CELSR1: variants seen among roughly 807,000 people sequenced by gnomAD.
CELSR1 encodes cadherin EGF LAG seven-pass G-type receptor 1, also known as adhesion G protein-coupled receptor C1.
CELSR1 carries 110 observed loss-of-function variants against 249.1 expected under a neutral mutation model. The ratio of observed to expected loss-of-function variants is 0.44; its 90% CI spans 0.38 to 0.52. CELSR1 has a LOEUF of 0.52. Among genes scored for constraint, CELSR1 ranks in the 20% least tolerant of loss-of-function variants. The probability of loss-of-function intolerance (pLI) is 0.00; values close to 1 mark genes in which losing one functional copy is unlikely to be tolerated. For synonymous variants in CELSR1, 2,113 were observed against 1,900.0 expected (o/e 1.11, Z -2.92); for missense variants, 4,109 against 4,296.4 (o/e 0.96, Z 1.22).
chr22:46,444,596 C>A (rs548525768), intron 2 of CELSR1, among the ~76,000 whole-genome samples: 2 of 152,290 alleles, frequency 1.3e-5, no homozygotes, highest in East Asian at 1.9e-4. Flanking sequence ...TTTTTTAATG[C>A]GGAGTTGTAT....
At chr22:46,369,905 T>G in intron 25 of CELSR1, 101 bp from the exon 26 acceptor site, 1 of 960,502 alleles carries the variant, frequency 1.0e-6, no homozygotes, top group Non-Finnish European at 1.7e-6. Flanking sequence ...GGACTCAGCA[T>G]CTCCCTTCTC....
Position 46,484,461 on chromosome 22 carries a change from C to T in CELSR1, c.3545-20116G>A, listed in dbSNP as rs577257002. On this transcript the variant is annotated intron_variant, in intron 1 of 34. Transcript: ENST00000674500. The surrounding 1 kb of genome is among the most constrained non-coding windows in gnomAD (Gnocchi z 4.5). Reference sequence around the variant, plus strand: ...CCACTCAGGGGCCCTGAAATCCCTTCCAGAATAATTTCACAGAGACCTCTT... The same window carrying T: ...CCACTCAGGGGCCCTGAAATCCCTTTCAGAATAATTTCACAGAGACCTCTT... Among the ~76,000 whole-genome samples, 31 of 152,040 alleles carry T rather than the reference C, an allele frequency of 2.0e-4. No homozygotes were observed. Among genetic ancestry groups the T allele is most frequent in the African/African-American group, 7.5e-4 (31 of 41,486 alleles).
intron 1 of CELSR1, among the ~76,000 whole-genome samples, chr22:46,530,874 G>A (rs1050631811): frequency 1.3e-5 from 2 of 152,152 alleles, no homozygotes; most frequent in African/African-American, 4.8e-5. Context: ...CCCACTAAAC[G>A]TAGTCGATGG....
chr22:46,506,302 C>T lies in CELSR1; in HGVS notation c.3544+27325G>A, dbSNP rs1057421253. Among the ~76,000 whole-genome samples, 4 of 152,246 alleles carry T rather than the reference C, an allele frequency of 2.6e-5. No homozygotes were observed. The highest frequency in any genetic ancestry group is 9.6e-5 in the African/African-American group (4 of 41,462). ...GATCCCTCCAAGCCTGGCACCTCCA[C>T]CGTGCCTGGCCTGGGGGAGCAGCAG... On this transcript the variant is annotated intron_variant, in intron 1 of 34. Transcript: ENST00000674500. This position sits in a 1 kb window ranked among gnomAD's most constrained non-coding sequence, Gnocchi z 4.1.
chr22:46,421,586 G>A (rs1245743291), intron 5 of CELSR1, among the ~76,000 whole-genome samples: 1 of 152,222 alleles, frequency 6.6e-6, no homozygotes, highest in Non-Finnish European at 1.5e-5. Context: ...CATCGGGGCA[G>A]CCCCCACCTG....
At chr22:46,460,204 CA>C (rs1569179869) in intron 2 of CELSR1, among the ~76,000 whole-genome samples, 23 of 130,868 alleles carry the variant, frequency 1.8e-4, no homozygotes, top group Middle Eastern at 3.7e-3. Flanking sequence ...CACACACACA[CA>C]CACACACACA....
chr22:46,411,611 C>A lies in CELSR1; in HGVS notation c.4760G>T (p.Gly1587Val). Residue 1587 changes from glycine to valine, a missense_variant, in exon 6 of 35, where the codon GGC becomes GTC. Coordinates refer to ENST00000674500, the MANE Select transcript of CELSR1 (RefSeq NM_001378328.1). The surrounding 1 kb of genome is among the most constrained non-coding windows in gnomAD (Gnocchi z 4.2). Reference protein sequence around the residue: ...YSCAAQGTQTGSKKSLDLTGP... With the variant: ...YSCAAQGTQTVSKKSLDLTGP... The stretch of plus-strand genomic sequence containing the variant: ...CTCCTGGGATGCTCACTTCTTGGAG[C>A]CGGTCTGAGTGCCCTGGGCAGCGCA... The A allele has an allele frequency of 1.2e-6, 2 of 1,614,150 alleles. No individual in the cohort carries two copies. Among genetic ancestry groups the A allele is most frequent in the Non-Finnish European group, 1.7e-6 (2 of 1,180,020 alleles).
chr22:46,370,310 T>C lies in CELSR1; in HGVS notation c.7760-506A>G, dbSNP rs2078837883. Reference sequence around the variant, plus strand: ...CACATCCAACCACGTGCACATGCCATACACATGTACATACCCTATACACAT... The same window carrying C: ...CACATCCAACCACGTGCACATGCCACACACATGTACATACCCTATACACAT... On this transcript the variant is annotated intron_variant, in intron 25 of 34. Coordinates refer to ENST00000674500, the MANE Select transcript of CELSR1 (RefSeq NM_001378328.1). 3 of 366,116 alleles carry C rather than the reference T, an allele frequency of 8.2e-6. No homozygotes were observed. In the Admixed American group the frequency reaches 1.0e-4, roughly 12 times the overall value. 22.7% of individuals were successfully genotyped at this position (366,116 alleles called of 1,614,324 possible). A position where few individuals can be genotyped will look rare whatever the true frequency, so the allele number is the denominator to read the frequency against.
rs753460875 is a variant in CELSR1 at position 46,464,726 on chromosome 22, A to C, written c.3545-381T>G. ...GAAACTCCTCACACGCTTTGGTTCC[A>C]GCCACATGAGGACTTGAAGCCCCCT... is the stretch of plus-strand genomic sequence containing the variant. On this transcript the variant is annotated intron_variant, in intron 1 of 34. Transcript: ENST00000674500. The surrounding 1 kb of genome is among the most constrained non-coding windows in gnomAD (Gnocchi z 8.5). 3.3e-5 allele frequency among the ~76,000 whole-genome samples: 5 copies of C among 152,026 alleles called. No homozygotes were observed. Among genetic ancestry groups the C allele is most frequent in the African/African-American group, 4.8e-5 (2 of 41,386 alleles).
intron 25 of CELSR1, among the ~76,000 whole-genome samples, chr22:46,372,035 C>A (rs1035434792): frequency 6.7e-6 from 1 of 150,062 alleles, no homozygotes; most frequent in Non-Finnish European, 1.5e-5. Context: ...ACTCACTCGT[C>A]TCTCCATCCC....
chr22:46,511,797 T>C (rs113656535), intron 1 of CELSR1, among the ~76,000 whole-genome samples: 1,733 of 152,096 alleles, frequency 0.011, 26 homozygotes, highest in African/African-American at 0.038. Flanking sequence ...GGTGTCTCCC[T>C]GGTATGGGGC....
Position 46,393,644 on chromosome 22 carries a change from A to C in CELSR1, c.5964+498T>G, listed in dbSNP as rs577861593. 7.9e-5 allele frequency among the ~76,000 whole-genome samples: 12 copies of C among 152,138 alleles called. 1 individual carries two copies. Among genetic ancestry groups the C allele is most frequent in the African/African-American group, 2.9e-4 (12 of 41,534 alleles). On this transcript the variant is annotated intron_variant, in intron 14 of 34. Coordinates refer to ENST00000674500, the MANE Select transcript of CELSR1 (RefSeq NM_001378328.1). The surrounding 1 kb of genome is among the most constrained non-coding windows in gnomAD (Gnocchi z 4.1). ...TCCCAGCTACTCAGGAGGCTGAGGCAGAAGAATTGCTGGAACCCGGGAGGC... is the reference window on the plus strand; with the variant it reads ...TCCCAGCTACTCAGGAGGCTGAGGCCGAAGAATTGCTGGAACCCGGGAGGC...
In CELSR1 at chr22:46,409,254, G is replaced by GGCTAT. The variant is rs1569142290; in HGVS notation, c.5060-93_5060-92insATAGC. ...GGGCGGGGGATGGGCCTGCAGGCTAGGCCTGGGCCTTTTTCACTTTAACAC... is the reference window on the plus strand; with the variant it reads ...GGGCGGGGGATGGGCCTGCAGGCTAGGCTATGCCTGGGCCTTTTTCACTTTAACAC... On this transcript the variant is annotated intron_variant, in intron 8 of 34. Coordinates refer to ENST00000674500, the MANE Select transcript of CELSR1 (RefSeq NM_001378328.1). This position sits in a 1 kb window ranked among gnomAD's most constrained non-coding sequence, Gnocchi z 9.8. The GGCTAT allele has an allele frequency of 1.5e-5, 20 of 1,361,838 alleles. No homozygotes were observed. The African/African-American group carries it at 2.4e-4, about 16-fold the overall frequency. The allele number at this position is 1,361,838 out of a possible 1,614,324, so 84.4% of individuals were successfully genotyped here. A position where few individuals can be genotyped will look rare whatever the true frequency, so the allele number is the denominator to read the frequency against.
rs1328288863 is a variant in CELSR1 at position 46,391,614 on chromosome 22, G to A, written c.6148+19C>T. 3 of 1,574,886 alleles carry A rather than the reference G, an allele frequency of 1.9e-6. No individual in the cohort carries two copies. The highest frequency in any genetic ancestry group is 1.7e-6 in the Non-Finnish European group (2 of 1,166,284). Reference sequence around the variant, plus strand: ...GTCCCCGCGCTGTAACCTGCAGGGTGTCGAGGGGCAACGCGGACCTTCACA... The same window carrying A: ...GTCCCCGCGCTGTAACCTGCAGGGTATCGAGGGGCAACGCGGACCTTCACA... On this transcript the variant is annotated intron_variant, in intron 15 of 34. Transcript: ENST00000674500. This position sits in a 1 kb window ranked among gnomAD's most constrained non-coding sequence, Gnocchi z 4.3.
intron 5 of CELSR1, among the ~76,000 whole-genome samples, chr22:46,425,682 T>A (rs949914107): frequency 6.9e-6 from 1 of 144,198 alleles, no homozygotes; most frequent in African/African-American, 2.4e-5. Flanking sequence ...CGCTAGAAGT[T>A]TTCCCCCGCT....
In CELSR1 at chr22:46,490,620, A is replaced by G. The variant is rs943905616; in HGVS notation, c.3545-26275T>C. Among the ~76,000 whole-genome samples the G allele has an allele frequency of 6.6e-6, 1 of 152,076 alleles. No homozygotes were observed. Among genetic ancestry groups the G allele is most frequent in the African/African-American group, 2.4e-5 (1 of 41,388 alleles). ...GGAGGGAAATGTTCTAAGCAGAGTGAGCGTCGTGGAGCCTCCCTCAGGCAT... is the reference window on the plus strand; with the variant it reads ...GGAGGGAAATGTTCTAAGCAGAGTGGGCGTCGTGGAGCCTCCCTCAGGCAT... On this transcript the variant is annotated intron_variant, in intron 1 of 34. Coordinates refer to ENST00000674500, the MANE Select transcript of CELSR1 (RefSeq NM_001378328.1). This position sits in a 1 kb window ranked among gnomAD's most constrained non-coding sequence, Gnocchi z 5.2.
At position 46,391,820 on chromosome 22, in the gene CELSR1, C is replaced by T; in HGVS notation, c.5965-4G>A. The T allele has an allele frequency of 6.2e-7, 1 of 1,608,324 alleles. No individual in the cohort carries two copies. Among genetic ancestry groups the T allele is most frequent in the African/African-American group, 1.3e-5 (1 of 74,730 alleles). On this transcript the variant is annotated splice_region_variant and splice_polypyrimidine_tract_variant and intron_variant, in intron 14 of 34. Transcript: ENST00000674500. The surrounding 1 kb of genome is among the most constrained non-coding windows in gnomAD (Gnocchi z 4.3). Reference sequence around the variant, plus strand: ...CTAGGAGCTTGTAGTAATTCTCCTGCAAAAGCCAGAGGCAGGGCCTGTGAC... The same window carrying T: ...CTAGGAGCTTGTAGTAATTCTCCTGTAAAAGCCAGAGGCAGGGCCTGTGAC...
intron 2 of CELSR1, among the ~76,000 whole-genome samples, chr22:46,453,444 C>T (rs981373344): frequency 6.6e-6 from 1 of 152,174 alleles, no homozygotes; most frequent in Non-Finnish European, 1.5e-5. Context: ...TAATTCATCA[C>T]TTGGAGTTGG....
At chr22:46,498,045 T>TG (rs2080429856) in intron 1 of CELSR1, among the ~76,000 whole-genome samples, 2 of 150,868 alleles carry the variant, frequency 1.3e-5, no homozygotes, top group Admixed American at 6.6e-5. Flanking sequence ...GGTCGGGAGT[T>TG]GGAGACCAGC....
Sources: allele counts gnomAD v4.1 joint callset (sites outside exome capture counted in the v4.1 genomes callset), GRCh38; gene constraint gnomAD v4.1.1; non-coding constraint Gnocchi (gnomAD v3.1); transcripts MANE v1.5; gene names NCBI Gene and HGNC (gene_info 2026-07-23, HGNC 2026-07-21).